Variants in SMC3 observed in about 807,000 individuals in gnomAD.
The protein encoded by SMC3 is structural maintenance of chromosomes protein 3.
Under a neutral mutation model 171.8 loss-of-function variants are expected in SMC3, and 20 were observed. That is an observed-to-expected ratio of 0.12 (90% CI 0.08 to 0.17). SMC3 has a LOEUF of 0.17. SMC3 is among the 10% of genes least tolerant of loss of function. The pLI is 1.00. For synonymous variants in SMC3, 464 were observed against 451.1 expected, an observed-to-expected ratio of 1.03 and a Z score of -0.36; for missense variants, 543 against 1,420.4, an observed-to-expected ratio of 0.38 and a Z score of 9.93.
Position 110,573,695 on chromosome 10 carries a change from G to T in SMC3, c.92-12G>T, listed in dbSNP as rs1303704789. The T allele has an allele frequency of 2.5e-6, 4 of 1,580,832 alleles. No individual in the cohort carries two copies. Among genetic ancestry groups the T allele is most frequent in the Middle Eastern group, 1.7e-4 (1 of 5,886 alleles). On this transcript the variant is annotated splice_polypyrimidine_tract_variant and intron_variant, in intron 2 of 28. Transcript: ENST00000361804. ...TTATGTAAAATAACTTGTACTTTTT[G>T]AAATTTTCCAGTGGGCAGAAATGGA...
rs186217179 is a variant in SMC3, at chr10:110,582,664, A to G, written c.804+22A>G. 3.2e-6 allele frequency: 5 copies of G among 1,561,730 alleles called. No homozygotes were observed. In the East Asian group the frequency reaches 9.0e-5, roughly 28 times the overall value. On this transcript the variant is annotated intron_variant, in intron 10 of 28. Coordinates refer to ENST00000361804, the MANE Select transcript of SMC3 (RefSeq NM_005445.4). Reference sequence around the variant, plus strand: ...GGAGGTAAGATTATAAACAAGGTTCATGTTAACTTACTTTTTACTTTTGAG... The same window carrying G: ...GGAGGTAAGATTATAAACAAGGTTCGTGTTAACTTACTTTTTACTTTTGAG...
At chr10:110,582,505 T>C in intron 9 of SMC3, 57 bp from the exon 10 acceptor site, 7 of 1,217,050 alleles carry the variant, frequency 5.8e-6, no homozygotes, top group Non-Finnish European at 7.1e-6. Context: ...TTAGATGTTA[T>C]GAAATATTTA....
intron 10 of SMC3, among the ~76,000 whole-genome samples, chr10:110,583,141 C>T (rs146760131): frequency 9.9e-4 from 150 of 152,220 alleles, no homozygotes; most frequent in Non-Finnish European, 1.1e-3. Flanking sequence ...GTCCTCCCAC[C>T]TGGGCCTCCC....
intron 13 of SMC3, among the ~76,000 whole-genome samples, chr10:110,587,578 C>T (rs920179503): frequency 6.6e-6 from 1 of 151,072 alleles, no homozygotes; most frequent in Non-Finnish European, 1.5e-5. Context: ...GCCAGCTACT[C>T]GGGGGGCTGA....
Position 110,604,209 on chromosome 10 carries a change from GTTT to G in SMC3, c.3583-19_3583-17del. Reference sequence around the variant, plus strand: ...ACACTGATGTAATTAACAGATTTTTGTTTTTAACATTTATTCTTCAGGTTAGTC... The same window carrying G: ...ACACTGATGTAATTAACAGATTTTTGTTAACATTTATTCTTCAGGTTAGTC... On this transcript the variant is annotated intron_variant, in intron 28 of 28. Transcript: ENST00000361804. 1 of 1,545,960 alleles carries G rather than the reference GTTT, an allele frequency of 6.5e-7. No individual in the cohort carries two copies. Among genetic ancestry groups the G allele is most frequent in the African/African-American group, 1.4e-5 (1 of 72,010 alleles).
At chr10:110,587,341 A>G (rs546122300) in intron 13 of SMC3, among the ~76,000 whole-genome samples, 21 of 152,190 alleles carry the variant, frequency 1.4e-4, no homozygotes, top group Non-Finnish European at 2.9e-4. Context: ...GGGAACCATT[A>G]GTGTTCAGAT....
chr10:110,576,689 A>AT (rs1170206507), intron 4 of SMC3, among the ~76,000 whole-genome samples: 1 of 152,044 alleles, frequency 6.6e-6, no homozygotes, highest in African/African-American at 2.4e-5. Flanking sequence ...AGTAATCAGA[A>AT]TTGATTTCCT....
In SMC3 at chr10:110,601,046, G is replaced by T; in HGVS notation, c.2560G>T (p.Glu854Ter). The T allele has an allele frequency of 6.2e-7, 1 of 1,613,390 alleles. No homozygotes were observed. The highest frequency in any genetic ancestry group is 8.5e-7 in the Non-Finnish European group (1 of 1,179,476). ...EQELNELRET[E>*]GGTVLTATTS... ...GGAACTTAATGAGCTGAGAGAGACA[G>T]AAGGGGGTACTGTTCTCACAGCCAC... Residue 854 changes from glutamate (E) to a stop codon, truncating the protein, a stop_gained, in exon 23 of 29, where the codon GAA becomes TAA. Transcript: ENST00000361804. LOFTEE classifies it high-confidence loss of function.
Position 110,590,586 on chromosome 10 carries a change from C to T in SMC3, c.1670+14C>T, listed in dbSNP as rs774723519. 4 of 1,612,718 alleles carry T rather than the reference C, an allele frequency of 2.5e-6. No homozygotes were observed. Among genetic ancestry groups the T allele is most frequent in the Admixed American group, 1.7e-5 (1 of 59,974 alleles). On this transcript the variant is annotated intron_variant, in intron 16 of 28. Coordinates refer to ENST00000361804, the MANE Select transcript of SMC3 (RefSeq NM_005445.4). ...TGCTGGAAACAGGTTAAAGCTTTTGCTTGATATTTAGCATTTTTAGAAGAG... is the reference window on the plus strand; with the variant it reads ...TGCTGGAAACAGGTTAAAGCTTTTGTTTGATATTTAGCATTTTTAGAAGAG...
At position 110,601,884 on chromosome 10, in the gene SMC3, G is replaced by A; in HGVS notation, c.2892G>A (p.Gln964=). ...FEKYQTLSLK[Q]LFRKLEQCNT... ...AGTACCAGACACTGAGCCTCAAACA[G>A]GTTGGTTTTAAATTTGAAGTCTTGT... The change falls in exon 24 of 29, where the codon CAG becomes CAA. Residue 964 remains glutamine (Q), a splice_region_variant and synonymous_variant. Transcript: ENST00000361804. The A allele has an allele frequency of 6.2e-7, 1 of 1,613,804 alleles. No individual in the cohort carries two copies. Among genetic ancestry groups the A allele is most frequent in the Non-Finnish European group, 8.5e-7 (1 of 1,179,882 alleles).
chr10:110,586,213 C>T (rs753968121), intron 13 of SMC3, among the ~76,000 whole-genome samples: 6 of 152,170 alleles, frequency 3.9e-5, no homozygotes, highest in Non-Finnish European at 8.8e-5. Flanking sequence ...CATATTCTCA[C>T]TTTACATAAA....
chr10:110,585,711 G>A (rs1861102505), intron 13 of SMC3, among the ~76,000 whole-genome samples: 2 of 151,500 alleles, frequency 1.3e-5, no homozygotes, highest in South Asian at 4.2e-4. Context: ...TGACTTTTGG[G>A]ACTTGACATT....
intron 18 of SMC3, among the ~76,000 whole-genome samples, chr10:110,595,374 C>T (rs1199155339): frequency 6.6e-6 from 1 of 151,990 alleles, no homozygotes; most frequent in Non-Finnish European, 1.5e-5. Flanking sequence ...CTTATTGCTT[C>T]CTCATCATTG....
chr10:110,600,316 A>G, intron 21 of SMC3, 123 bp from the exon 22 acceptor site: 2 of 693,774 alleles, frequency 2.9e-6, no homozygotes, highest in South Asian at 1.7e-5. Context: ...TTTTTGAAGA[A>G]TATAACATAT....
At position 110,583,828 on chromosome 10, in the gene SMC3, A is replaced by C. The variant is rs779789859; in HGVS notation, c.970-13A>C. The C allele has an allele frequency of 6.2e-7, 1 of 1,611,480 alleles. No homozygotes were observed. Among genetic ancestry groups the C allele is most frequent in the Non-Finnish European group, 8.5e-7 (1 of 1,179,286 alleles). ...AAAATTTAAAGCAGTTTGCATTTTT[A>C]CTTTGTTTACAGAAACGTTTATTAA... is the stretch of plus-strand genomic sequence containing the variant. On this transcript the variant is annotated splice_polypyrimidine_tract_variant and intron_variant, in intron 11 of 28. Coordinates refer to ENST00000361804, the MANE Select transcript of SMC3 (RefSeq NM_005445.4).
intron 3 of SMC3, among the ~76,000 whole-genome samples, 158 bp downstream of exon 3, chr10:110,573,903 C>G (rs1221079298): frequency 1.3e-5 from 2 of 152,046 alleles, no homozygotes; most frequent in East Asian, 3.8e-4. Flanking sequence ...GTATACAGAT[C>G]TGAATTCTGC....
Position 110,580,969 on chromosome 10 carries a change from T to C in SMC3, c.495T>C (p.Thr165=). The C allele has an allele frequency of 1.2e-6, 2 of 1,610,162 alleles. No homozygotes were observed. Among genetic ancestry groups the C allele is most frequent in the South Asian group, 2.2e-5 (2 of 91,000 alleles). The stretch of plus-strand genomic sequence containing the variant: ...AGCTATTAAGAGAAGTAGCTGGTAC[T>C]AGAGTGTATGACGAACGAAAGGAAG... ...RLKLLREVAG[T]RVYDERKEES... Residue 165 remains threonine (T), a synonymous_variant, in exon 8 of 29, where the codon ACT becomes ACC. Transcript: ENST00000361804.
chr10:110,598,020 G>A (rs1258603486), intron 19 of SMC3, 119 bp from the exon 20 acceptor site: 2 of 879,312 alleles, frequency 2.3e-6, no homozygotes, highest in Admixed American at 4.2e-5. Flanking sequence ...TAAATTTGAG[G>A]ACATAAATGT....
At chr10:110,593,356 G>A (rs1020871115) in intron 18 of SMC3, 133 bp downstream of exon 18, 13 of 835,528 alleles carry the variant, frequency 1.6e-5, no homozygotes, top group Non-Finnish European at 2.3e-5. Flanking sequence ...TGGATCACCT[G>A]AAGTCAGGAG....
Sources: allele counts gnomAD v4.1 joint callset (sites outside exome capture counted in the v4.1 genomes callset), GRCh38; gene constraint gnomAD v4.1.1; transcripts MANE v1.5; gene names NCBI Gene and HGNC (gene_info 2026-07-23, HGNC 2026-07-21).